Variants in WDR62 observed in about 807,000 individuals in gnomAD.
The protein encoded by WDR62 is WD repeat domain 62.
A neutral mutation model predicts 160.6 loss-of-function variants in WDR62; 112 were observed. That is an observed-to-expected ratio of 0.70 (90% CI 0.60 to 0.82). The LOEUF is 0.82. Ranked by LOEUF, WDR62 falls within the 40% of genes least tolerant of loss-of-function variation. WDR62 has a pLI of 0.00. For synonymous variants in WDR62, 792 were observed against 815.1 expected (o/e 0.97, Z 0.48); for missense variants, 1,819 against 1,983.8 (o/e 0.92, Z 1.58).
intron 11 of WDR62, 69 bp from the exon 12 acceptor site, chr19:36,084,584 C>G (rs974512618): frequency 4.1e-6 from 6 of 1,476,800 alleles, no homozygotes; most frequent in South Asian, 1.1e-5. Context: ...CCATTCTGAC[C>G]TATTCTAGAA....
At position 36,104,771 on chromosome 19, in the gene WDR62, G is replaced by GCA; in HGVS notation, c.4315_4316insCA (p.Val1439AlafsTer99). The GCA allele has an allele frequency of 6.2e-7, 1 of 1,613,724 alleles. No homozygotes were observed. The highest frequency in any genetic ancestry group is 8.5e-7 in the Non-Finnish European group (1 of 1,180,026). ...ACAAGGCTGGCATCCCTTGCAGTTG[G>GCA]TCTCCAGTGGCCAGGTGGACACCGG... is the stretch of plus-strand genomic sequence containing the variant. On this transcript the variant is annotated frameshift_variant, in exon 32 of 32. Coordinates refer to ENST00000401500, the MANE Select transcript of WDR62 (RefSeq NM_001083961.2). LOFTEE classifies it low-confidence loss of function (END_TRUNC).
In WDR62 at chr19:36,091,378, G is replaced by T. The variant is rs561723617; in HGVS notation, c.2147-24G>T. On this transcript the variant is annotated intron_variant, in intron 17 of 31. Coordinates refer to ENST00000401500, the MANE Select transcript of WDR62 (RefSeq NM_001083961.2). ...ACACCCTCTGACTCCGAAGGCAAGT[G>T]CAGCCTCTCTGCTTTGTTTGCAGAA... 2.0e-6 allele frequency: 3 copies of T among 1,507,034 alleles called. No homozygotes were observed. The African/African-American group carries it at 4.1e-5, about 21-fold the overall frequency. 93.4% of individuals were successfully genotyped at this position (1,507,034 alleles called of 1,614,324 possible). A position where few individuals can be genotyped will look rare whatever the true frequency, so the allele number is the denominator to read the frequency against.
downstream of WDR62, among the ~76,000 whole-genome samples, chr19:36,109,078 G>T (rs1973760053): frequency 6.6e-6 from 1 of 152,128 alleles, no homozygotes; most frequent in Non-Finnish European, 1.5e-5. Flanking sequence ...TGCATGGCCA[G>T]CAGACCCTCA....
chr19:36,057,531 T>C (rs1427532588), intron 1 of WDR62, among the ~76,000 whole-genome samples: 1 of 151,704 alleles, frequency 6.6e-6, no homozygotes, highest in Non-Finnish European at 1.5e-5. Flanking sequence ...CTTTTTTTTT[T>C]TGAGACAGAG....
In WDR62 at chr19:36,092,683, C is replaced by G. The variant is rs764142341; in HGVS notation, c.2211-6C>G. 1 of 1,614,108 alleles carries G rather than the reference C, an allele frequency of 6.2e-7. No individual in the cohort carries two copies. The highest frequency in any genetic ancestry group is 2.2e-5 in the East Asian group (1 of 44,878). ...TGCCTTGTGTGTCTCTCTTTGACCT[C>G]CGCAGCTGCGTGTTCATCTGGCACC... On this transcript the variant is annotated splice_region_variant and splice_polypyrimidine_tract_variant and intron_variant, in intron 18 of 31. Transcript: ENST00000401500.
chr19:36,073,769 C>T, intron 9 of WDR62: 1 of 584,092 alleles, frequency 1.7e-6, no homozygotes, highest in Non-Finnish European at 3.2e-6. Context: ...AGCAGTAACC[C>T]TCTGAAGAAA....
rs576633353 is a variant in WDR62, at chr19:36,081,139, C to T, written c.1234-294C>T. 3.3e-5 allele frequency among the ~76,000 whole-genome samples: 5 copies of T among 152,348 alleles called. No individual in the cohort carries two copies. In the South Asian group the frequency reaches 8.3e-4, roughly 25 times the overall value. The stretch of plus-strand genomic sequence containing the variant: ...TTGCTAGACTCTGTTGCTTCTGCTG[C>T]TTCTTGCTGATGGTACCTCGTTTTC... On this transcript the variant is annotated intron_variant, in intron 9 of 31. Transcript: ENST00000401500.
At position 36,091,247 on chromosome 19, in the gene WDR62, C is replaced by T; in HGVS notation, c.2082C>T (p.Asp694=). Residue 694 remains aspartate (D), a synonymous_variant, in exon 17 of 32, where the codon GAC becomes GAT. Transcript: ENST00000401500. Reference sequence around the variant, plus strand: ...CCTTCCTGGCCACCAGCTGCTCTGACAAAAGCATCTCAGTGATTGACTTTT... The same window carrying T: ...CCTTCCTGGCCACCAGCTGCTCTGATAAAAGCATCTCAGTGATTGACTTTT... ...SGTFLATSCS[D]KSISVIDFYS... 5 of 1,613,452 alleles carry T rather than the reference C, an allele frequency of 3.1e-6. No individual in the cohort carries two copies. Among genetic ancestry groups the T allele is most frequent in the Middle Eastern group, 3.7e-4 (2 of 5,434 alleles).
chr19:36,067,342 A>G lies in WDR62; in HGVS notation c.598A>G (p.Arg200Gly). 2 of 1,614,192 alleles carry G rather than the reference A, an allele frequency of 1.2e-6. No individual in the cohort carries two copies. The highest frequency in any genetic ancestry group is 1.1e-5 in the South Asian group (1 of 91,086). Residue 200 changes from arginine to glycine, a missense_variant, in exon 6 of 32, where the codon AGA (arginine) becomes GGA (glycine). Physicochemically the swap from Arg to Gly is moderately radical, Grantham distance 125. Transcript: ENST00000401500. ...IVVASNKVSC[R>G]VIALSFSEDS... is the part of the protein sequence containing the mutation. ...AGTGGCCTCCAACAAGGTATCTTGTAGAGTCATTGCCCTCTCCTTCTCAGA... is the reference window on the plus strand; with the variant it reads ...AGTGGCCTCCAACAAGGTATCTTGTGGAGTCATTGCCCTCTCCTTCTCAGA...
At chr19:36,063,541 GC>G in intron 3 of WDR62, among the ~76,000 whole-genome samples, 1 of 152,228 alleles carries the variant, frequency 6.6e-6, no homozygotes, top group African/African-American at 2.4e-5. Flanking sequence ...TTGAGCCACT[GC>G]ACCCGGCCAA....
chr19:36,106,497 C>G (rs1209532573), downstream of WDR62, among the ~76,000 whole-genome samples: 1 of 152,154 alleles, frequency 6.6e-6, no homozygotes, highest in East Asian at 1.9e-4. Context: ...GGAATTAGAG[C>G]TCTGTATAAT....
rs770247589 is a variant in WDR62 at position 36,103,662 on chromosome 19, T to A, written c.3834T>A (p.Ser1278Arg). The change falls in exon 30 of 32, where the codon AGT (serine) becomes AGA (arginine). Residue 1278 changes from serine to arginine, a missense_variant. By Grantham distance (110) the Ser-to-Arg change is moderately radical (BLOSUM62 -1). Coordinates refer to ENST00000401500, the MANE Select transcript of WDR62 (RefSeq NM_001083961.2). ...ITTATTPSLD[S>R]EGQEPALRSW... is the part of the protein sequence containing the mutation. ...CCGCGACAACACCCAGTTTGGACAG[T>A]GAGGGCCAAGAGCCTGCCCTGCGTT... 1 of 1,610,100 alleles carries A rather than the reference T, an allele frequency of 6.2e-7. No individual in the cohort carries two copies. Among genetic ancestry groups the A allele is most frequent in the South Asian group, 1.1e-5 (1 of 91,050 alleles).
intron 10 of WDR62, chr19:36,082,002 T>C (rs1352859748): frequency 2.7e-6 from 1 of 367,890 alleles, no homozygotes; most frequent in Non-Finnish European, 5.4e-6. Flanking sequence ...GGAAGAAAAG[T>C]TTGCTGAGGA....
rs999944375 is a variant in WDR62, at chr19:36,096,539, A to G, written c.2468-488A>G. Among the ~76,000 whole-genome samples, 80 of 151,850 alleles carry G rather than the reference A, an allele frequency of 5.3e-4. 1 individual carries two copies. The highest frequency in any genetic ancestry group is 1.5e-4 in the Non-Finnish European group (10 of 67,944). On this transcript the variant is annotated intron_variant, in intron 20 of 31. Transcript: ENST00000401500. ...GCTAACATGGTGAAACCCCGTCTCT[A>G]CTAAAAATACAAAAAAAAAAAATTA... is the stretch of plus-strand genomic sequence containing the variant.
In WDR62 at chr19:36,086,796, C is replaced by T. The variant is rs752866383; in HGVS notation, c.1752C>T (p.Thr584=). 40 of 1,609,736 alleles carry T rather than the reference C, an allele frequency of 2.5e-5. No individual in the cohort carries two copies. The highest frequency in any genetic ancestry group is 2.7e-5 in the African/African-American group (2 of 74,826). The change falls in exon 13 of 32, where the codon ACC becomes ACT. Residue 584 remains threonine (T), a synonymous_variant. Coordinates refer to ENST00000401500, the MANE Select transcript of WDR62 (RefSeq NM_001083961.2). The part of the protein sequence containing the change: ...QTLDDHSSSI[T]AIKFAGNRDI... ...TGGATGACCACTCCTCCTCCATCAC[C>T]GCCATCAAGTTCGCTGGTGAGCCCC...
intron 9 of WDR62, among the ~76,000 whole-genome samples, chr19:36,076,551 C>T (rs1376331152): frequency 6.8e-6 from 1 of 147,922 alleles, no homozygotes; most frequent in Non-Finnish European, 1.5e-5. Flanking sequence ...GAGGGAGATC[C>T]TATCTCAAAA....
rs768272401 is a variant in WDR62, at chr19:36,103,941, C to T, written c.4113C>T (p.Gly1371=). The change falls in exon 30 of 32, where the codon GGC becomes GGT. Residue 1371 remains glycine, a synonymous_variant. Transcript: ENST00000401500. ...CCCAGCTTCCAGAGGCCCGGCCTGG[C>T]ATCCCTGGCGGCACTGCCTCCCTCC... The part of the protein sequence containing the change: ...SNPQLPEARP[G]IPGGTASLLE... 3.8e-6 allele frequency: 6 copies of T among 1,598,910 alleles called. 1 individual carries two copies. In the South Asian group the frequency reaches 5.5e-5, roughly 15 times the overall value.
intron 7 of WDR62, among the ~76,000 whole-genome samples, chr19:36,069,115 G>C (rs959915852): frequency 6.0e-5 from 9 of 151,068 alleles, no homozygotes; most frequent in Non-Finnish European, 8.9e-5. Flanking sequence ...GGCTGGCCGG[G>C]CGGGGGCTGA....
intron 6 of WDR62, 56 bp from the exon 7 acceptor site, chr19:36,067,772 T>G (rs1971019585): frequency 6.3e-7 from 1 of 1,586,392 alleles, no homozygotes; most frequent in African/African-American, 1.3e-5. Context: ...TATCATCTGG[T>G]CATGCAGGGC....
Sources: allele counts gnomAD v4.1 joint callset (sites outside exome capture counted in the v4.1 genomes callset), GRCh38; gene constraint gnomAD v4.1.1; transcripts MANE v1.5; gene names NCBI Gene and HGNC (gene_info 2026-07-23, HGNC 2026-07-21).